Variants in PPP1R14C observed in about 807,000 individuals in gnomAD.
PPP1R14C encodes protein phosphatase 1 regulatory inhibitor subunit 14C.
PPP1R14C carries 16 observed loss-of-function variants against 20.4 expected under a neutral mutation model. That is an observed-to-expected ratio of 0.78 (90% CI 0.53 to 1.19). The LOEUF (loss-of-function observed/expected upper bound fraction) is 1.19, where lower values mean the gene tolerates loss of function less well. PPP1R14C is among the 50% of genes most tolerant of loss of function. The pLI is 0.00. For missense variants in PPP1R14C, 211 were observed against 220.1 expected, an observed-to-expected ratio of 0.96 and a Z score of 0.26; for synonymous variants, 91 against 91.0, an observed-to-expected ratio of 1.00 and a Z score of 0.00.
chr6:150,223,015 C>T (rs559872005), intron 3 of PPP1R14C, among the ~76,000 whole-genome samples: 14 of 152,052 alleles, frequency 9.2e-5, no homozygotes, highest in Middle Eastern at 6.8e-3. Flanking sequence ...GTGATGTGCC[C>T]ACCTCAGACT....
intron 1 of PPP1R14C, among the ~76,000 whole-genome samples, chr6:150,204,655 T>C (rs11759558): frequency 0.17 from 25,556 of 152,174 alleles, 2,289 homozygotes; most frequent in Middle Eastern, 0.19. Flanking sequence ...GTCCCCATTT[T>C]ACAGGTGTGG....
At chr6:150,236,952 G>A (rs1171269744) in intron 3 of PPP1R14C, among the ~76,000 whole-genome samples, 2 of 152,120 alleles carry the variant, frequency 1.3e-5, no homozygotes, top group Non-Finnish European at 2.9e-5. Flanking sequence ...TGTTGTCTAA[G>A]CTGGGAAAAC....
chr6:150,232,044 C>A (rs1030996947), intron 3 of PPP1R14C, among the ~76,000 whole-genome samples: 1 of 152,186 alleles, frequency 6.6e-6, no homozygotes, highest in African/African-American at 2.4e-5. Context: ...CATGCATGCC[C>A]ACCAACAGGA....
intron 3 of PPP1R14C, among the ~76,000 whole-genome samples, chr6:150,218,474 A>AACC (rs1778125576): frequency 5.1e-5 from 5 of 98,332 alleles, no homozygotes; most frequent in East Asian, 4.0e-4. Context: ...ATACATCTGA[A>AACC]CCCCCCCCCC....
In PPP1R14C at chr6:150,197,234, A is replaced by T. The variant is rs552684359; in HGVS notation, c.307-17510A>T. 3.9e-5 allele frequency among the ~76,000 whole-genome samples: 6 copies of T among 152,254 alleles called. No individual in the cohort carries two copies. In the East Asian group the frequency reaches 9.7e-4, roughly 25 times the overall value. ...TGGAAGAGGAAAGAACTAAGGGAGG[A>T]GCCCAGTGTGAGAGGCTCTGCTCCC... On this transcript the variant is annotated intron_variant, in intron 1 of 3. Transcript: ENST00000361131.
Position 150,207,497 on chromosome 6 carries a change from G to A in PPP1R14C, c.307-7247G>A, listed in dbSNP as rs4870370. 8.7e-4 allele frequency among the ~76,000 whole-genome samples: 133 copies of A among 152,276 alleles called. 1 individual carries two copies. The highest frequency in any genetic ancestry group is 6.9e-3 in the Admixed American group (105 of 15,294). On this transcript the variant is annotated intron_variant, in intron 1 of 3. Coordinates refer to ENST00000361131, the MANE Select transcript of PPP1R14C (RefSeq NM_030949.3). ...CTCCATCTGTTTCGTTCTTCACTCC[G>A]GCATCCCATGTACCTTCCTCAATCT...
At chr6:150,205,237 C>T (rs945279922) in intron 1 of PPP1R14C, among the ~76,000 whole-genome samples, 1 of 151,996 alleles carries the variant, frequency 6.6e-6, no homozygotes, top group African/African-American at 2.4e-5. Flanking sequence ...GCTTTGCCGC[C>T]GCCCCCAGGC....
At chr6:150,209,872 T>C (rs1289654105) in intron 1 of PPP1R14C, among the ~76,000 whole-genome samples, 2 of 151,596 alleles carry the variant, frequency 1.3e-5, no homozygotes, top group Non-Finnish European at 2.9e-5. Context: ...TGTGAGTGTA[T>C]GAATGGTGTG....
intron 1 of PPP1R14C, among the ~76,000 whole-genome samples, chr6:150,206,864 CT>C (rs997940979): frequency 6.8e-6 from 1 of 146,582 alleles, no homozygotes; most frequent in African/African-American, 2.6e-5. Context: ...TTGTTTGTTT[CT>C]GTTTTTGTTT....
chr6:150,240,537 T>A (rs1484783686), intron 3 of PPP1R14C, among the ~76,000 whole-genome samples: 1 of 152,218 alleles, frequency 6.6e-6, no homozygotes, highest in Non-Finnish European at 1.5e-5. Flanking sequence ...ACCAGTCTGA[T>A]TGGTTGCAGA....
chr6:150,225,537 C>T (rs1778221182), intron 3 of PPP1R14C, among the ~76,000 whole-genome samples: 1 of 152,188 alleles, frequency 6.6e-6, no homozygotes, highest in Non-Finnish European at 1.5e-5. Context: ...TCAGTGACCT[C>T]ACTTCCCTTG....
At chr6:150,216,568 A>AT (rs1196916737) in intron 2 of PPP1R14C, among the ~76,000 whole-genome samples, 42 of 152,138 alleles carry the variant, frequency 2.8e-4, no homozygotes, top group African/African-American at 5.6e-4. Flanking sequence ...GCAAAAAAAA[A>AT]AAATAAATAT....
intron 3 of PPP1R14C, among the ~76,000 whole-genome samples, chr6:150,238,583 G>A (rs930633056): frequency 6.6e-6 from 1 of 152,270 alleles, no homozygotes; most frequent in East Asian, 1.9e-4. Context: ...CAGGGCACCC[G>A]TTCACCCCCA....
At chr6:150,192,174 T>A (rs1198215917) in intron 1 of PPP1R14C, among the ~76,000 whole-genome samples, 3 of 152,214 alleles carry the variant, frequency 2.0e-5, no homozygotes, top group Non-Finnish European at 4.4e-5. Flanking sequence ...TTGATTTGGA[T>A]GCCGCCTGGG....
chr6:150,247,005 G>A (rs1379091033), intron 3 of PPP1R14C, among the ~76,000 whole-genome samples: 2 of 152,128 alleles, frequency 1.3e-5, no homozygotes, highest in Non-Finnish European at 2.9e-5. Flanking sequence ...GTTGCTGGTT[G>A]TATTTTCCAG....
chr6:150,169,338 G>A (rs1272611336), intron 1 of PPP1R14C, among the ~76,000 whole-genome samples: 1 of 152,138 alleles, frequency 6.6e-6, no homozygotes, highest in African/African-American at 2.4e-5. Flanking sequence ...GTTGTCATGG[G>A]AAACTTGTCT....
intron 1 of PPP1R14C, among the ~76,000 whole-genome samples, chr6:150,207,765 T>C (rs1237920048): frequency 6.6e-6 from 1 of 152,168 alleles, no homozygotes; most frequent in Admixed American, 6.5e-5. Context: ...GGGTAATGTA[T>C]ACAGAAAATA....
chr6:150,196,044 T>C (rs1487220812), intron 1 of PPP1R14C: 1 of 985,204 alleles, frequency 1.0e-6, no homozygotes, highest in East Asian at 1.1e-4. Flanking sequence ...TCCTCTCTTG[T>C]GTCAGAGAGA....
chr6:150,210,547 G>T (rs138352369), intron 1 of PPP1R14C, among the ~76,000 whole-genome samples: 1 of 152,258 alleles, frequency 6.6e-6, no homozygotes, highest in Non-Finnish European at 1.5e-5. Context: ...TCATTCCCCT[G>T]TCTTGTTCTG....
Sources: gnomAD v4.1 joint callset for allele counts (sites outside exome capture counted in the v4.1 genomes callset) on GRCh38, gnomAD v4.1.1 for gene constraint, MANE v1.5 for transcripts, NCBI Gene and HGNC (gene_info 2026-07-23, HGNC 2026-07-21) for gene names.